The following COL21A1 variants were observed in gnomAD, a reference collection of about 807,000 sequenced individuals.
COL21A1 encodes the protein collagen alpha-1(XXI) chain.
Under a neutral mutation model 137.9 loss-of-function variants are expected in COL21A1, and 149 were observed. The ratio of observed to expected loss-of-function variants is 1.08; its 90% CI spans 0.95 to 1.24. COL21A1 has a LOEUF of 1.24. COL21A1 is among the 50% of genes most tolerant of loss of function. The probability of loss-of-function intolerance (pLI) is 0.00; values close to 1 mark genes in which losing one functional copy is unlikely to be tolerated. For missense variants in COL21A1, 1,167 were observed against 1,158.4 expected (o/e 1.01, Z -0.11); for synonymous variants, 456 against 391.5 (o/e 1.16, Z -1.95).
intron 17 of COL21A1, among the ~76,000 whole-genome samples, chr6:56,100,673 G>C (rs1770378584): frequency 1.3e-5 from 2 of 151,954 alleles, no homozygotes; most frequent in Non-Finnish European, 2.9e-5. Context: ...TATAGAACTT[G>C]GCCCAGTACA....
chr6:56,129,092 G>C (rs919966501), intron 12 of COL21A1, among the ~76,000 whole-genome samples: 1 of 152,214 alleles, frequency 6.6e-6, no homozygotes, highest in African/African-American at 2.4e-5. Flanking sequence ...ACACAGAGTT[G>C]AGGAAGGGAT....
At position 56,179,901 on chromosome 6, in the gene COL21A1, G is replaced by T. The variant is rs542671242; in HGVS notation, c.317C>A (p.Ser106Tyr). 1 of 1,613,874 alleles carries T rather than the reference G, an allele frequency of 6.2e-7. No homozygotes were observed. Among genetic ancestry groups the T allele is most frequent in the South Asian group, 1.1e-5 (1 of 91,070 alleles). Reference protein sequence around the residue: ...SGEHLTAAVESILYLGGNTKT... With the variant: ...SGEHLTAAVEYILYLGGNTKT... Reference sequence around the variant, plus strand: ...TGTGTTTCCTCCTAAGTAGAGTATGGATTCCACTGCTGCCGTCAAATGTTC... The same window carrying T: ...TGTGTTTCCTCCTAAGTAGAGTATGTATTCCACTGCTGCCGTCAAATGTTC... Residue 106 changes from serine to tyrosine, a missense_variant, in exon 3 of 30, where the codon TCC (serine) becomes TAC (tyrosine). Transcript: ENST00000244728.
intron 1 of COL21A1, among the ~76,000 whole-genome samples, chr6:56,321,169 G>A (rs9475670): frequency 0.29 from 44,834 of 152,032 alleles, 6,980 homozygotes; most frequent in Non-Finnish European, 0.35. Flanking sequence ...GGTCTCTCAC[G>A]TTTCTGCACA....
intron 1 of COL21A1, among the ~76,000 whole-genome samples, chr6:56,297,440 A>G (rs2152336618): frequency 6.6e-6 from 1 of 152,214 alleles, no homozygotes; most frequent in African/African-American, 2.4e-5. Flanking sequence ...TGGACTTACA[A>G]AGACAGACAG....
intron 21 of COL21A1, among the ~76,000 whole-genome samples, chr6:56,069,604 T>G (rs1431984405): frequency 1.3e-5 from 2 of 150,388 alleles, no homozygotes; most frequent in African/African-American, 4.8e-5. Flanking sequence ...GTATTTTTTC[T>G]CTAACTCTAA....
intron 1 of COL21A1, among the ~76,000 whole-genome samples, chr6:56,382,054 G>C (rs138624132): frequency 7.4e-4 from 112 of 152,286 alleles, no homozygotes; most frequent in Non-Finnish European, 1.3e-3. Flanking sequence ...ACTAACAAAA[G>C]CATCCTGTTT....
At chr6:56,358,284 A>G (rs1004262995) in intron 1 of COL21A1, among the ~76,000 whole-genome samples, 2 of 152,132 alleles carry the variant, frequency 1.3e-5, no homozygotes, top group Non-Finnish European at 2.9e-5. Flanking sequence ...TTAGTTGCCA[A>G]ATCTGATTGA....
At chr6:56,317,560 A>G (rs1397498459) in intron 1 of COL21A1, among the ~76,000 whole-genome samples, 2 of 152,146 alleles carry the variant, frequency 1.3e-5, no homozygotes, top group Non-Finnish European at 2.9e-5. Flanking sequence ...TAATTCATTG[A>G]CCACCTTCCT....
At chr6:56,156,461 G>C (rs1256929531) in intron 10 of COL21A1, among the ~76,000 whole-genome samples, 1 of 152,128 alleles carries the variant, frequency 6.6e-6, no homozygotes, top group African/African-American at 2.4e-5. Flanking sequence ...TTATAACCCA[G>C]AAATGTCTTT....
At chr6:56,209,154 A>G (rs758621111) in intron 1 of COL21A1, among the ~76,000 whole-genome samples, 6 of 152,064 alleles carry the variant, frequency 3.9e-5, no homozygotes, top group African/African-American at 1.4e-4. Flanking sequence ...GACTTAAACT[A>G]AGACCTAAAA....
chr6:56,281,936 A>C (rs1189143741), intron 1 of COL21A1, among the ~76,000 whole-genome samples: 1 of 152,222 alleles, frequency 6.6e-6, no homozygotes, highest in Non-Finnish European at 1.5e-5. Context: ...AGAAACAGTG[A>C]ATTCCAGAAA....
At chr6:56,382,072 G>A (rs924086972) in intron 1 of COL21A1, among the ~76,000 whole-genome samples, 3 of 152,132 alleles carry the variant, frequency 2.0e-5, no homozygotes, top group African/African-American at 7.2e-5. Flanking sequence ...TTTGACAAGG[G>A]TTCGATTTTA....
At chr6:56,373,170 T>G (rs1177525437) in intron 1 of COL21A1, among the ~76,000 whole-genome samples, 1 of 152,242 alleles carries the variant, frequency 6.6e-6, no homozygotes, top group Non-Finnish European at 1.5e-5. Flanking sequence ...ATGGCAATGG[T>G]GTCCTCACCG....
At chr6:56,228,370 G>T (rs1415394762) in intron 1 of COL21A1, among the ~76,000 whole-genome samples, 1 of 151,754 alleles carries the variant, frequency 6.6e-6, no homozygotes, top group African/African-American at 2.4e-5. Flanking sequence ...AACGGGCCAG[G>T]TCCTATGACT....
At chr6:56,079,681 A>G (rs983138511) in intron 17 of COL21A1, among the ~76,000 whole-genome samples, 4 of 151,616 alleles carry the variant, frequency 2.6e-5, no homozygotes, top group African/African-American at 9.7e-5. Context: ...TATATCTGCT[A>G]TTAAGATTAT....
At chr6:56,366,827 G>A (rs980153513) in intron 1 of COL21A1, among the ~76,000 whole-genome samples, 2 of 152,212 alleles carry the variant, frequency 1.3e-5, no homozygotes, top group African/African-American at 4.8e-5. Flanking sequence ...TGCAGCAATA[G>A]TTTGTAAGAT....
chr6:56,141,248 T>C (rs1421001581), intron 12 of COL21A1, among the ~76,000 whole-genome samples: 2 of 152,214 alleles, frequency 1.3e-5, no homozygotes, highest in Non-Finnish European at 2.9e-5. Flanking sequence ...AATGGAATAC[T>C]ATTCAGCTAT....
intron 17 of COL21A1, among the ~76,000 whole-genome samples, chr6:56,079,225 GC>G (rs1767518147): frequency 6.6e-6 from 1 of 151,602 alleles, no homozygotes; most frequent in Non-Finnish European, 1.5e-5. Flanking sequence ...AAGGAAGGTG[GC>G]TATACATTGT....
At chr6:56,332,639 C>T (rs951536179) in intron 1 of COL21A1, among the ~76,000 whole-genome samples, 3 of 149,556 alleles carry the variant, frequency 2.0e-5, no homozygotes, top group Non-Finnish European at 4.4e-5. Context: ...AGAGTAGGGT[C>T]GGAGACTGTT....
Sources: allele counts gnomAD v4.1 joint callset (sites outside exome capture counted in the v4.1 genomes callset), GRCh38; gene constraint gnomAD v4.1.1; transcripts MANE v1.5; gene names NCBI Gene and HGNC (gene_info 2026-07-23, HGNC 2026-07-21).